EXT1: variants seen among roughly 807,000 people sequenced by gnomAD.
EXT1 encodes the protein exostosin-1.
EXT1 carries 20 observed loss-of-function variants against 82.5 expected under a neutral mutation model. The ratio of observed to expected loss-of-function variants is 0.24; its 90% CI spans 0.17 to 0.35. The LOEUF (loss-of-function observed/expected upper bound fraction) is 0.35. EXT1 is among the 10% of genes least tolerant of loss of function. EXT1 has a pLI of 1.00. For synonymous variants in EXT1, 348 were observed against 350.8 expected, an observed-to-expected ratio of 0.99 and a Z score of 0.09; for missense variants, 757 against 936.5, an observed-to-expected ratio of 0.81 and a Z score of 2.50.
chr8:117,865,199 G>T (rs1293531192), intron 1 of EXT1, among the ~76,000 whole-genome samples: 1 of 152,142 alleles, frequency 6.6e-6, no homozygotes, highest in Non-Finnish European at 1.5e-5. Flanking sequence ...ACAGGGTCTT[G>T]CTTTGTCGCT....
intron 1 of EXT1, among the ~76,000 whole-genome samples, chr8:117,877,409 CT>C (rs1563588385): frequency 6.6e-6 from 1 of 152,168 alleles, no homozygotes; most frequent in African/African-American, 2.4e-5. Flanking sequence ...AACACTGAGA[CT>C]TGTTGTCTCC....
At chr8:118,067,329 G>A (rs2514755) in intron 1 of EXT1, among the ~76,000 whole-genome samples, 40,590 of 152,100 alleles carry the variant, frequency 0.27, 6,414 homozygotes, top group East Asian at 0.47. Flanking sequence ...ATTATACTGC[G>A]GTTCTTACTT....
At position 117,988,391 on chromosome 8, in the gene EXT1, C is replaced by T. The variant is rs915271712; in HGVS notation, c.962+121694G>A. Among the ~76,000 whole-genome samples the T allele has an allele frequency of 9.3e-5, 14 of 150,398 alleles. 1 individual carries two copies. Among genetic ancestry groups the T allele is most frequent in the African/African-American group, 3.4e-4 (14 of 40,810 alleles). The stretch of plus-strand genomic sequence containing the variant: ...GGGAGGTCATTACAAAGTGTAGATT[C>T]CTGGGCCCAGTCCAAGTGATTCTGA... On this transcript the variant is annotated intron_variant, in intron 1 of 10. Coordinates refer to ENST00000378204, the MANE Select transcript of EXT1 (RefSeq NM_000127.3).
chr8:118,069,773 T>G (rs1018826100), intron 1 of EXT1, among the ~76,000 whole-genome samples: 1 of 152,064 alleles, frequency 6.6e-6, no homozygotes, highest in Non-Finnish European at 1.5e-5. Context: ...TCATGGACAG[T>G]ACAACCAAAT....
At chr8:118,029,954 A>G (rs1376255545) in intron 1 of EXT1, among the ~76,000 whole-genome samples, 2 of 152,258 alleles carry the variant, frequency 1.3e-5, no homozygotes, top group Admixed American at 6.5e-5. Flanking sequence ...GAACTTCACT[A>G]AACAGTTTTA....
At position 117,928,281 on chromosome 8, in the gene EXT1, AGT is replaced by A. The variant is rs573688933; in HGVS notation, c.963-91082_963-91081del. Among the ~76,000 whole-genome samples, 28 of 152,328 alleles carry A rather than the reference AGT, an allele frequency of 1.8e-4. 1 individual carries two copies. In the South Asian group the frequency reaches 5.8e-3, roughly 32 times the overall value. On this transcript the variant is annotated intron_variant, in intron 1 of 10. Transcript: ENST00000378204. ...AACCACTAGAAATTCTATTTGAATGAGTGTGATGAACTAGGGTGGGAGTCTGT... is the reference window on the plus strand; with the variant it reads ...AACCACTAGAAATTCTATTTGAATGAGTGATGAACTAGGGTGGGAGTCTGT...
At chr8:117,937,650 AG>A (rs1393024651) in intron 1 of EXT1, among the ~76,000 whole-genome samples, 1 of 152,252 alleles carries the variant, frequency 6.6e-6, no homozygotes, top group Non-Finnish European at 1.5e-5. Flanking sequence ...AAAGACTGTA[AG>A]GTTTTTCCCC....
At chr8:118,045,916 C>T (rs1401775554) in intron 1 of EXT1, among the ~76,000 whole-genome samples, 1 of 151,994 alleles carries the variant, frequency 6.6e-6, no homozygotes, top group Non-Finnish European at 1.5e-5. Context: ...ATGCCTCAGC[C>T]TCCTGAGTAG....
chr8:117,799,567 C>CTTTT lies in EXT1; in HGVS notation c.*141_*144dup. 1 of 788,700 alleles carries CTTTT rather than the reference C, an allele frequency of 1.3e-6. No homozygotes were observed. The highest frequency in any genetic ancestry group is 2.0e-6 in the Non-Finnish European group (1 of 507,836). The allele number at this position is 788,700 out of a possible 1,614,324, so 48.9% of individuals were successfully genotyped here. A position where few individuals can be genotyped will look rare whatever the true frequency, so the allele number is the denominator to read the frequency against. ...AGCCAGGAGTTGAGTTCTCATTGGC[C>CTTTT]TTTTTTTTTTTGTCATTCTGCTCAT... On this transcript the variant is annotated 3_prime_UTR_variant, in exon 11 of 11. Coordinates refer to ENST00000378204, the MANE Select transcript of EXT1 (RefSeq NM_000127.3).
intron 1 of EXT1, among the ~76,000 whole-genome samples, chr8:117,960,734 A>C (rs777459205): frequency 6.6e-6 from 1 of 152,210 alleles, no homozygotes. Context: ...AAGTGATAAG[A>C]GCATCCTGGA....
chr8:117,834,161 A>T (rs918671026), intron 3 of EXT1, among the ~76,000 whole-genome samples: 2 of 152,228 alleles, frequency 1.3e-5, no homozygotes, highest in Admixed American at 6.5e-5. Flanking sequence ...GCCAGACAGA[A>T]GTAATGTTTC....
At chr8:118,042,957 C>G (rs1327520979) in intron 1 of EXT1, among the ~76,000 whole-genome samples, 1 of 152,176 alleles carries the variant, frequency 6.6e-6, no homozygotes, top group African/African-American at 2.4e-5. Context: ...TACAAAGAAA[C>G]TTTTGAGCCC....
chr8:117,895,611 A>G (rs992011500), intron 1 of EXT1, among the ~76,000 whole-genome samples: 1 of 152,200 alleles, frequency 6.6e-6, no homozygotes, highest in African/African-American at 2.4e-5. Context: ...ACCTTCCAAT[A>G]ATAATGCCAA....
chr8:118,078,382 A>G (rs536431056), intron 1 of EXT1, among the ~76,000 whole-genome samples: 3 of 151,788 alleles, frequency 2.0e-5, no homozygotes, highest in African/African-American at 7.3e-5. Context: ...TATTTTTAGT[A>G]GAAACGGGGT....
At chr8:117,991,392 T>C (rs1394796235) in intron 1 of EXT1, among the ~76,000 whole-genome samples, 1 of 152,180 alleles carries the variant, frequency 6.6e-6, no homozygotes, top group African/African-American at 2.4e-5. Context: ...TCATTGCCAC[T>C]GGACCATTTC....
At position 117,804,833 on chromosome 8, in the gene EXT1, T is replaced by G. The variant is rs761914342; in HGVS notation, c.1944A>C (p.Gln648His). 6.2e-7 allele frequency: 1 copy of G among 1,613,946 alleles called. No homozygotes were observed. The highest frequency in any genetic ancestry group is 1.3e-5 in the African/African-American group (1 of 74,920). Residue 648 changes from glutamine (Q) to histidine (H), a missense_variant, in exon 10 of 11, where the codon CAA (glutamine) becomes CAC (histidine). By Grantham distance (24) the Gln-to-His change is conservative (BLOSUM62 0). Coordinates refer to ENST00000378204, the MANE Select transcript of EXT1 (RefSeq NM_000127.3). ...TGAGAATGTCCTCACAATTGGCCAA[T>G]TGGTCCACCATGTTCTTCAGGCTGG... Reference protein sequence around the residue: ...LPASLKNMVDQLANCEDILMN... With the variant: ...LPASLKNMVDHLANCEDILMN...
At chr8:118,098,708 G>A (rs900572511) in intron 1 of EXT1, among the ~76,000 whole-genome samples, 2 of 149,856 alleles carry the variant, frequency 1.3e-5, no homozygotes, top group Admixed American at 1.3e-4. Flanking sequence ...GCAGTGAGCC[G>A]AGTTCGCACC....
intron 1 of EXT1, among the ~76,000 whole-genome samples, chr8:117,948,380 C>T (rs1425342157): frequency 2.0e-5 from 3 of 146,694 alleles, no homozygotes; most frequent in Non-Finnish European, 4.5e-5. Context: ...CTTTACTTAT[C>T]TTAAGTGACA....
intron 1 of EXT1, among the ~76,000 whole-genome samples, 194 bp from the exon 2 acceptor site, chr8:117,837,395 T>C (rs140887602): frequency 6.6e-6 from 1 of 152,328 alleles, no homozygotes; most frequent in African/African-American, 2.4e-5. Context: ...ATCATCATGT[T>C]GGACAAAGCA....
Sources: gnomAD v4.1 joint callset for allele counts (sites outside exome capture counted in the v4.1 genomes callset) on GRCh38, gnomAD v4.1.1 for gene constraint, MANE v1.5 for transcripts, NCBI Gene and HGNC (gene_info 2026-07-23, HGNC 2026-07-21) for gene names.